C1QTNF3: variants seen among roughly 807,000 people sequenced by gnomAD.
C1QTNF3 encodes C1q and TNF related 3.
Under a neutral mutation model 32.6 loss-of-function variants are expected in C1QTNF3, and 26 were observed. That is an observed-to-expected ratio of 0.80 (90% CI 0.58 to 1.11). The LOEUF is 1.11. C1QTNF3 is among the 50% of genes least tolerant of loss of function. The pLI is 0.00. For synonymous variants in C1QTNF3, 155 were observed against 146.0 expected (o/e 1.06, Z -0.44); for missense variants, 362 against 398.2 (o/e 0.91, Z 0.77).
At chr5:34,131,485 CA>C in the C1QTNF3 span, among the ~76,000 whole-genome samples, 1 of 151,582 alleles carries the variant, frequency 6.6e-6, no homozygotes. Context: ...GCAGCCTCGA[CA>C]AATCAAGAGG....
the C1QTNF3 span, among the ~76,000 whole-genome samples, chr5:34,170,871 A>T: frequency 6.6e-6 from 1 of 152,142 alleles, no homozygotes; most frequent in Admixed American, 6.5e-5. Context: ...ATATTTTCTC[A>T]CTTATTGACA....
the C1QTNF3 span, among the ~76,000 whole-genome samples, chr5:34,237,811 C>T: frequency 6.6e-6 from 1 of 152,076 alleles, no homozygotes; most frequent in Non-Finnish European, 1.5e-5. Context: ...TGGCCTAGAA[C>T]ACCTAACACA....
the C1QTNF3 span, among the ~76,000 whole-genome samples, chr5:34,176,707 G>A: frequency 6.6e-6 from 1 of 151,808 alleles, no homozygotes; most frequent in Non-Finnish European, 1.5e-5. Context: ...AAGTACAAAA[G>A]TTAGCCAAGC....
the C1QTNF3 span, among the ~76,000 whole-genome samples, chr5:34,163,377 T>C: frequency 3.1e-4 from 47 of 152,200 alleles, no homozygotes; most frequent in Admixed American, 1.3e-3. Context: ...AGGAAGTCAA[T>C]GTTTCTTTAA....
the C1QTNF3 span, among the ~76,000 whole-genome samples, chr5:34,204,209 G>C: frequency 2.6e-5 from 4 of 152,128 alleles, no homozygotes; most frequent in Non-Finnish European, 4.4e-5. Context: ...AGCAACTACA[G>C]AATATACATT....
chr5:34,211,060 A>G, the C1QTNF3 span, among the ~76,000 whole-genome samples: 1 of 151,466 alleles, frequency 6.6e-6, no homozygotes, highest in Non-Finnish European at 1.5e-5. Context: ...CCCCTAAGTA[A>G]TTGACTCTAC....
Position 34,043,140 on chromosome 5 carries a change from C to A in C1QTNF3, c.-15G>T, listed in dbSNP as rs6859593. On this transcript the variant is annotated 5_prime_UTR_variant, in exon 1 of 6. Transcript: ENST00000382065. ...CTCCAAAGCATGATTCTCAACAGAG[C>A]CTCAGAGTCTCCCTGAGAAGACAGC... 3.7e-4 allele frequency: 597 copies of A among 1,603,062 alleles called. 1 individual carries two copies. In the African/African-American group the frequency reaches 5.7e-3, roughly 15 times the overall value.
At chr5:34,113,771 C>A in the C1QTNF3 span, among the ~76,000 whole-genome samples, 1 of 152,006 alleles carries the variant, frequency 6.6e-6, no homozygotes, top group South Asian at 2.1e-4. Context: ...AAAGCACTGG[C>A]TTATTATACA....
chr5:34,111,303 C>G, the C1QTNF3 span, among the ~76,000 whole-genome samples: 1 of 152,060 alleles, frequency 6.6e-6, no homozygotes, highest in Non-Finnish European at 1.5e-5. Context: ...TCCCACATTT[C>G]TGGACTCTTT....
the C1QTNF3 span, among the ~76,000 whole-genome samples, chr5:34,060,859 C>T: frequency 6.6e-6 from 1 of 152,152 alleles, no homozygotes; most frequent in Non-Finnish European, 1.5e-5. Context: ...TCCATCCCAG[C>T]CCCTCCCAAA....
the C1QTNF3 span, among the ~76,000 whole-genome samples, chr5:34,081,065 G>GGGAA: frequency 3.3e-5 from 5 of 151,662 alleles, no homozygotes; most frequent in Non-Finnish European, 5.9e-5. Flanking sequence ...TGTGATTGTG[G>GGGAA]GGAAGCTGCC....
At chr5:34,230,484 A>T in the C1QTNF3 span, among the ~76,000 whole-genome samples, 11 of 152,284 alleles carry the variant, frequency 7.2e-5, no homozygotes, top group Admixed American at 6.5e-5. Context: ...ATCCCTTCAA[A>T]AACCAAAACA....
At chr5:34,201,796 G>A in the C1QTNF3 span, among the ~76,000 whole-genome samples, 1 of 152,300 alleles carries the variant, frequency 6.6e-6, no homozygotes, top group South Asian at 2.1e-4. Flanking sequence ...TAAGCAGAAA[G>A]TGCATTTCAT....
At chr5:34,020,811 T>G (rs1183170799) in intron 5 of C1QTNF3, 69 bp from the exon 6 acceptor site, 1 of 1,498,802 alleles carries the variant, frequency 6.7e-7, no homozygotes, top group Non-Finnish European at 9.2e-7. Context: ...CCAAAGTCTG[T>G]GCTCCCCTTC....
the C1QTNF3 span, among the ~76,000 whole-genome samples, chr5:34,223,576 A>C: frequency 2.0e-5 from 3 of 151,728 alleles, no homozygotes; most frequent in Non-Finnish European, 4.4e-5. Flanking sequence ...CTAGTTCTAG[A>C]TCCCTGAGGA....
At chr5:34,211,041 G>C in the C1QTNF3 span, among the ~76,000 whole-genome samples, 5 of 150,972 alleles carry the variant, frequency 3.3e-5, no homozygotes, top group African/African-American at 1.2e-4. Flanking sequence ...TTACCTCCAG[G>C]TTTAAACTCC....
upstream of C1QTNF3, among the ~76,000 whole-genome samples, chr5:34,046,392 G>T (rs1292106954): frequency 6.6e-6 from 1 of 152,128 alleles, no homozygotes; most frequent in East Asian, 1.9e-4. Context: ...CATTAGGGTG[G>T]GCCCTGACCC....
the C1QTNF3 span, among the ~76,000 whole-genome samples, chr5:34,171,319 A>C: frequency 6.6e-6 from 1 of 151,596 alleles, no homozygotes; most frequent in African/African-American, 2.4e-5. Context: ...GTAAGTTATT[A>C]ATCAAAAATT....
At chr5:34,061,343 T>G in the C1QTNF3 span, among the ~76,000 whole-genome samples, 2 of 152,150 alleles carry the variant, frequency 1.3e-5, no homozygotes, top group Non-Finnish European at 2.9e-5. Context: ...TGGTGCAAGC[T>G]GTCAGTGAAT....
Sources: gnomAD v4.1 joint callset for allele counts (sites outside exome capture counted in the v4.1 genomes callset) on GRCh38, gnomAD v4.1.1 for gene constraint, MANE v1.5 for transcripts, NCBI Gene and HGNC (gene_info 2026-07-23, HGNC 2026-07-21) for gene names.